The following NBR1 variants were observed in gnomAD, a reference collection of about 807,000 sequenced individuals.
The protein encoded by NBR1 is NBR1 autophagy cargo receptor, also known as next to BRCA1 gene 1 protein.
In NBR1, 59 loss-of-function variants were observed where a neutral mutation model predicts 115.5. That is an observed-to-expected ratio of 0.51 (90% confidence interval 0.41 to 0.63). NBR1 has a LOEUF of 0.63. NBR1 is among the 30% of genes least tolerant of loss of function. The pLI is 0.00. For synonymous variants in NBR1, 373 were observed against 414.7 expected, an observed-to-expected ratio of 0.90 and a Z score of 1.22; for missense variants, 1,043 against 1,150.5, an observed-to-expected ratio of 0.91 and a Z score of 1.35.
At chr17:43,194,770 C>G in intron 13 of NBR1, 194 bp from the exon 14 acceptor site, 1 of 623,648 alleles carries the variant, frequency 1.6e-6, no homozygotes, top group South Asian at 2.1e-5. Context: ...ATACCTGCTG[C>G]ATTTTCTCTT....
At position 43,200,507 on chromosome 17, in the gene NBR1, G is replaced by C. The variant is rs771468095; in HGVS notation, c.2367G>C (p.Gln789His). The change falls in exon 17 of 21, where the codon CAG becomes CAC. Residue 789 changes from glutamine to histidine, a missense_variant. Transcript: ENST00000590996. ...AAAGACTCCCTGGAGGGGAGAACCA[G>C]CCACAGGAGCACAGCATAAGTGACA... Reference protein sequence around the residue: ...AGERLPGGENQPQEHSISDIL... With the variant: ...AGERLPGGENHPQEHSISDIL... The C allele has an allele frequency of 6.8e-6, 11 of 1,613,968 alleles. No individual in the cohort carries two copies. In the South Asian group the frequency reaches 1.2e-4, roughly 18 times the overall value.
rs781084841 is a variant in NBR1, at chr17:43,200,261, TGAGGAGGATGAGGAG to T, written c.2134_2148del (p.Glu712_Glu716del). 1.8e-5 allele frequency: 28 copies of T among 1,548,902 alleles called. No individual in the cohort carries two copies. In the South Asian group the frequency reaches 3.1e-4, roughly 17 times the overall value. ...AAGCTGTCATGGAGGAGGAGGAGGA[TGAGGAGGATGAGGAG>T]GAGGAGGATGAGCTCAAAGATGAAG... On this transcript the variant is annotated inframe_deletion, in exon 17 of 21. Coordinates refer to ENST00000590996, the MANE Select transcript of NBR1 (RefSeq NM_005899.5).
chr17:43,189,967 A>G (rs8070085), intron 8 of NBR1, 165 bp downstream of exon 8: 219,843 of 636,402 alleles, frequency 0.35, 39,248 homozygotes, highest in South Asian at 0.5. Flanking sequence ...CATGCTTTGT[A>G]TGTTGTAACT....
At position 43,193,377 on chromosome 17, in the gene NBR1, G is replaced by A. The variant is rs1338458020; in HGVS notation, c.1263G>A (p.Leu421=). ...KLKFMWGNLT[L]ASTEKKDVLV... ...AGTTCATGTGGGGAAACCTGACTTT[G>A]GCTTCCACAGAAAAGAAGGATGTTT... Residue 421 remains leucine, a synonymous_variant, in exon 12 of 21, where the codon TTG becomes TTA. Transcript: ENST00000590996. The A allele has an allele frequency of 2.5e-6, 4 of 1,613,816 alleles. No homozygotes were observed. The highest frequency in any genetic ancestry group is 3.4e-6 in the Non-Finnish European group (4 of 1,179,840).
chr17:43,209,542 C>T (rs1361047017), intron 20 of NBR1: 95 of 1,527,866 alleles, frequency 6.2e-5, no homozygotes, highest in Non-Finnish European at 7.9e-5. Context: ...ATCACAATTA[C>T]ACTTATGTTC....
intron 1 of NBR1, among the ~76,000 whole-genome samples, chr17:43,171,950 A>C (rs1362860535): frequency 2.0e-5 from 3 of 152,150 alleles, no homozygotes; most frequent in African/African-American, 7.2e-5. Flanking sequence ...GCCTCAGGTC[A>C]CACATTTTAA....
In NBR1 at chr17:43,206,994, G is replaced by A. The variant is rs192488133; in HGVS notation, c.2728-2907G>A. ...GTGGGAGAATAGCTTGAGCCCCAGA[G>A]GCAGAGGCTGCAGTGAGCTGAGGTC... is the stretch of plus-strand genomic sequence containing the variant. On this transcript the variant is annotated intron_variant, in intron 20 of 20. Coordinates refer to ENST00000590996, the MANE Select transcript of NBR1 (RefSeq NM_005899.5). Among the ~76,000 whole-genome samples, 101 of 150,334 alleles carry A rather than the reference G, an allele frequency of 6.7e-4. No homozygotes were observed. The Middle Eastern group carries it at 0.015, about 22-fold the overall frequency.
chr17:43,193,269 A>G lies in NBR1; in HGVS notation c.1233+16A>G. 3 of 1,613,818 alleles carry G rather than the reference A, an allele frequency of 1.9e-6. No individual in the cohort carries two copies. The highest frequency in any genetic ancestry group is 2.5e-6 in the Non-Finnish European group (3 of 1,179,734). On this transcript the variant is annotated intron_variant, in intron 11 of 20. Coordinates refer to ENST00000590996, the MANE Select transcript of NBR1 (RefSeq NM_005899.5). Reference sequence around the variant, plus strand: ...AGACACAAAGGTAATTTTTCCCACAAAATGCAAAGATGAGGTGATTTGAAG... The same window carrying G: ...AGACACAAAGGTAATTTTTCCCACAGAATGCAAAGATGAGGTGATTTGAAG...
chr17:43,187,682 G>A (rs1477369812), intron 6 of NBR1, among the ~76,000 whole-genome samples: 1 of 148,736 alleles, frequency 6.7e-6, no homozygotes, highest in Non-Finnish European at 1.5e-5. Flanking sequence ...CTAATTTTTT[G>A]TATTTTTAGC....
At chr17:43,207,076 G>A (rs564754115) in intron 20 of NBR1, among the ~76,000 whole-genome samples, 27 of 152,190 alleles carry the variant, frequency 1.8e-4, no homozygotes, top group Admixed American at 1.5e-3. Context: ...GGGTGGAGGG[G>A]AAAAAGTCAA....
chr17:43,172,769 AG>A (rs1479660205), intron 1 of NBR1, among the ~76,000 whole-genome samples: 3 of 152,202 alleles, frequency 2.0e-5, no homozygotes, highest in Non-Finnish European at 2.9e-5. Context: ...TTTACAGGGC[AG>A]TGCATTACAT....
intron 10 of NBR1, 102 bp downstream of exon 10, chr17:43,191,683 T>C: frequency 1.4e-6 from 1 of 720,884 alleles, no homozygotes; most frequent in Non-Finnish European, 2.3e-6. Flanking sequence ...CCTTAACACC[T>C]AAATCTTTAA....
Position 43,210,423 on chromosome 17 carries a change from T to C in NBR1, c.*349T>C. 2.5e-6 allele frequency: 1 copy of C among 396,604 alleles called. No individual in the cohort carries two copies. Among genetic ancestry groups the C allele is most frequent in the African/African-American group, 2.1e-5 (1 of 48,728 alleles). 24.6% of individuals were successfully genotyped at this position (396,604 alleles called of 1,614,324 possible). On this transcript the variant is annotated 3_prime_UTR_variant, in exon 21 of 21. Coordinates refer to ENST00000590996, the MANE Select transcript of NBR1 (RefSeq NM_005899.5). Reference sequence around the variant, plus strand: ...TTTTTCTTTGGCTAATGTGGATTTTTTATGGGGATATCTGTTAATTTTCAG... The same window carrying C: ...TTTTTCTTTGGCTAATGTGGATTTTCTATGGGGATATCTGTTAATTTTCAG...
At position 43,201,738 on chromosome 17, in the gene NBR1, A is replaced by G. The variant is rs940137388; in HGVS notation, c.2521A>G (p.Thr841Ala). ...HGSPGVDLPV[T>A]IPEVSSVPDQ... ...TTCCCCAGGAGTGGATTTACCAGTTACCATACCAGAAGTTTCTTCAGTCCC... is the reference window on the plus strand; with the variant it reads ...TTCCCCAGGAGTGGATTTACCAGTTGCCATACCAGAAGTTTCTTCAGTCCC... The change falls in exon 18 of 21, where the codon ACC becomes GCC. Residue 841 changes from threonine (T) to alanine (A), a missense_variant. Coordinates refer to ENST00000590996, the MANE Select transcript of NBR1 (RefSeq NM_005899.5). 1.2e-6 allele frequency: 2 copies of G among 1,609,250 alleles called. No individual in the cohort carries two copies. Among genetic ancestry groups the G allele is most frequent in the Admixed American group, 1.7e-5 (1 of 59,994 alleles).
At chr17:43,185,934 G>A (rs2056789716) in intron 5 of NBR1, among the ~76,000 whole-genome samples, 2 of 152,018 alleles carry the variant, frequency 1.3e-5, no homozygotes. Flanking sequence ...CCAGGAGGCG[G>A]AGGTTGCAGT....
chr17:43,197,258 G>A (rs1437938616), intron 16 of NBR1, among the ~76,000 whole-genome samples, 152 bp downstream of exon 16: 2 of 152,176 alleles, frequency 1.3e-5, no homozygotes, highest in Non-Finnish European at 2.9e-5. Flanking sequence ...GGTGGCTCAA[G>A]CCTGTAATCC....
At chr17:43,189,521 G>T in intron 7 of NBR1, 67 bp from the exon 8 acceptor site, 1 of 1,108,712 alleles carries the variant, frequency 9.0e-7, no homozygotes, top group South Asian at 1.3e-5. Flanking sequence ...CAGATCTATT[G>T]ATATCTTCAC....
intron 20 of NBR1, 50 bp from the exon 21 acceptor site, chr17:43,209,851 A>T: frequency 6.8e-7 from 1 of 1,468,068 alleles, no homozygotes. Flanking sequence ...TAAACATTTA[A>T]ATTATACAGA....
Position 43,193,657 on chromosome 17 carries a change from G to C in NBR1, c.1524+19G>C. On this transcript the variant is annotated intron_variant, in intron 12 of 20. Transcript: ENST00000590996. Reference sequence around the variant, plus strand: ...GCAAGAGGTGAGCATTGACTGACAGGCTTTGGCCTAGTATCCAAATCTTAG... The same window carrying C: ...GCAAGAGGTGAGCATTGACTGACAGCCTTTGGCCTAGTATCCAAATCTTAG... The C allele has an allele frequency of 1.3e-6, 2 of 1,591,366 alleles. No homozygotes were observed. The highest frequency in any genetic ancestry group is 1.7e-6 in the Non-Finnish European group (2 of 1,167,436).
Sources: gnomAD v4.1 joint callset for allele counts (sites outside exome capture counted in the v4.1 genomes callset) on GRCh38, gnomAD v4.1.1 for gene constraint, MANE v1.5 for transcripts, NCBI Gene and HGNC (gene_info 2026-07-23, HGNC 2026-07-21) for gene names.